Variants in TAOK1 observed in about 807,000 individuals in gnomAD.
TAOK1 encodes the protein serine/threonine-protein kinase TAO1.
A neutral mutation model predicts 138.3 loss-of-function variants in TAOK1; 21 were observed. The observed-to-expected ratio is 0.15, with a 90% CI of 0.11 to 0.22. The LOEUF is 0.22. Ranked by LOEUF, TAOK1 falls within the 10% of genes least tolerant of loss-of-function variation. The pLI is 1.00. For missense variants in TAOK1, 651 were observed against 1,227.7 expected, an observed-to-expected ratio of 0.53 and a Z score of 7.02; for synonymous variants, 361 against 398.4, an observed-to-expected ratio of 0.91 and a Z score of 1.12.
chr17:29,428,725 G>A (rs925195530), intron 1 of TAOK1, among the ~76,000 whole-genome samples: 1 of 152,002 alleles, frequency 6.6e-6, no homozygotes, highest in Non-Finnish European at 1.5e-5. Flanking sequence ...CTGAGCTTGG[G>A]GGATCCTCCC....
At position 29,495,714 on chromosome 17, in the gene TAOK1, A is replaced by G; in HGVS notation, c.986A>G (p.Gln329Arg). 6.2e-7 allele frequency: 1 copy of G among 1,602,978 alleles called. No individual in the cohort carries two copies. The highest frequency in any genetic ancestry group is 1.7e-5 in the Admixed American group (1 of 58,250). Residue 329 changes from glutamine (Q) to arginine (R), a missense_variant, in exon 11 of 20, where the codon CAG becomes CGG. Gln to Arg is a conservative substitution (Grantham distance 43, BLOSUM62 1). Transcript: ENST00000261716. Reference sequence around the variant, plus strand: ...CATAATGGACCAGCAGTAGAAGCACAGGAAGAAGAAGAGGTAAGAGATAAA... The same window carrying G: ...CATAATGGACCAGCAGTAGAAGCACGGGAAGAAGAAGAGGTAAGAGATAAA... The part of the protein sequence containing the change: ...EAHNGPAVEA[Q>R]EEEEEQDHGV...
intron 1 of TAOK1, among the ~76,000 whole-genome samples, chr17:29,427,065 A>T (rs1453254379): frequency 1.3e-5 from 2 of 152,174 alleles, no homozygotes; most frequent in African/African-American, 2.4e-5. Context: ...AATGAAATAG[A>T]TTCGGAAGGG....
chr17:29,421,467 G>C (rs1905443547), intron 1 of TAOK1, among the ~76,000 whole-genome samples: 1 of 152,144 alleles, frequency 6.6e-6, no homozygotes, highest in African/African-American at 2.4e-5. Flanking sequence ...TTATATGCTG[G>C]AAGAGTTTAT....
At chr17:29,453,807 TTG>T (rs1289596618) in intron 2 of TAOK1, among the ~76,000 whole-genome samples, 2 of 147,900 alleles carry the variant, frequency 1.4e-5, no homozygotes. Flanking sequence ...TTAGGTTTTT[TTG>T]TTTTTTTTTT....
rs1833705402 is a variant in TAOK1, at chr17:29,545,733, G to A, written c.*2711G>A. The A allele has an allele frequency of 6.6e-6, 1 of 152,076 alleles. No individual in the cohort carries two copies. The highest frequency in any genetic ancestry group is 1.5e-5 in the Non-Finnish European group (1 of 67,962). The allele number at this position is 152,076 out of a possible 1,614,324, so 9.4% of individuals were successfully genotyped here. A position where few individuals can be genotyped will look rare whatever the true frequency, so the allele number is the denominator to read the frequency against. The stretch of plus-strand genomic sequence containing the variant: ...AGCTTGTAGCAGAAAAATTGGAAGG[G>A]TTTTGAGATATCCTAGAGAAAGAGC... On this transcript the variant is annotated 3_prime_UTR_variant, in exon 20 of 20. Coordinates refer to ENST00000261716, the MANE Select transcript of TAOK1 (RefSeq NM_020791.4).
In TAOK1 at chr17:29,549,274, A is replaced by G. The variant is rs2032451070; in HGVS notation, c.*6252A>G. 6.6e-6 allele frequency: 1 copy of G among 152,224 alleles called. No homozygotes were observed. The highest frequency in any genetic ancestry group is 1.5e-5 in the Non-Finnish European group (1 of 68,024). 9.4% of individuals were successfully genotyped at this position (152,224 alleles called of 1,614,324 possible). ...CTTGTAGCCAAAGTATTAAAGGCTG[A>G]TGAACATAGACAAGGGAAATGCATT... On this transcript the variant is annotated 3_prime_UTR_variant, in exon 20 of 20. Coordinates refer to ENST00000261716, the MANE Select transcript of TAOK1 (RefSeq NM_020791.4).
intron 3 of TAOK1, among the ~76,000 whole-genome samples, chr17:29,472,148 A>G (rs1443988041): frequency 6.6e-6 from 1 of 152,182 alleles, no homozygotes; most frequent in Non-Finnish European, 1.5e-5. Flanking sequence ...CATGAGTCGG[A>G]AACGTTCTTA....
intron 16 of TAOK1, among the ~76,000 whole-genome samples, chr17:29,521,030 A>C (rs1465417339): frequency 6.6e-6 from 1 of 152,130 alleles, no homozygotes; most frequent in Non-Finnish European, 1.5e-5. Flanking sequence ...AGTCTCAAAA[A>C]AAAAAAAATC....
intron 16 of TAOK1, among the ~76,000 whole-genome samples, chr17:29,518,627 G>A (rs2153030500): frequency 6.6e-6 from 1 of 152,274 alleles, no homozygotes; most frequent in Non-Finnish European, 1.5e-5. Flanking sequence ...GAAGTTTTAT[G>A]AAATCACGGA....
At chr17:29,528,571 G>A (rs2032050360) in intron 17 of TAOK1, among the ~76,000 whole-genome samples, 1 of 152,106 alleles carries the variant, frequency 6.6e-6, no homozygotes, top group Admixed American at 6.6e-5. Context: ...AAGGCACAGT[G>A]GCTTATGCCT....
intron 1 of TAOK1, among the ~76,000 whole-genome samples, chr17:29,415,009 G>C (rs1461084205): frequency 6.6e-6 from 1 of 151,166 alleles, no homozygotes; most frequent in African/African-American, 2.4e-5. Flanking sequence ...TGTTGCCCAG[G>C]TTGGAGTGCA....
chr17:29,409,752 G>T (rs776255403), intron 1 of TAOK1, among the ~76,000 whole-genome samples: 2 of 152,066 alleles, frequency 1.3e-5, no homozygotes, highest in African/African-American at 4.8e-5. Context: ...TTATGAAGTC[G>T]TGGGATTTCT....
At chr17:29,537,838 G>A (rs1166157673) in intron 19 of TAOK1, among the ~76,000 whole-genome samples, 1 of 152,148 alleles carries the variant, frequency 6.6e-6, no homozygotes. Flanking sequence ...ATACGGCTGG[G>A]TGTGGCGGCT....
At chr17:29,497,986 C>A (rs2031446263) in intron 11 of TAOK1, among the ~76,000 whole-genome samples, 1 of 151,724 alleles carries the variant, frequency 6.6e-6, no homozygotes, top group Non-Finnish European at 1.5e-5. Context: ...CTATATATAC[C>A]CCATGAGATG....
At chr17:29,488,132 A>G (rs868323614) in intron 8 of TAOK1, among the ~76,000 whole-genome samples, 1 of 152,188 alleles carries the variant, frequency 6.6e-6, no homozygotes, top group African/African-American at 2.4e-5. Flanking sequence ...TCAGATAACA[A>G]AATGTGCAGA....
chr17:29,424,985 T>C (rs552675504), intron 1 of TAOK1: 2 of 152,362 alleles, frequency 1.3e-5, no homozygotes, highest in South Asian at 2.1e-4. Context: ...TATTGAGATA[T>C]ACTACTTTGT....
At chr17:29,480,579 T>G in intron 7 of TAOK1, 98 bp downstream of exon 7, 1 of 1,054,388 alleles carries the variant, frequency 9.5e-7, no homozygotes, top group Non-Finnish European at 1.3e-6. Flanking sequence ...GTCAGGAATG[T>G]TAAACTCGGC....
intron 1 of TAOK1, among the ~76,000 whole-genome samples, chr17:29,421,009 A>G (rs543295433): frequency 2.0e-5 from 3 of 152,218 alleles, no homozygotes; most frequent in African/African-American, 7.2e-5. Flanking sequence ...AGCTCATTGC[A>G]ACCTCTGCCT....
At chr17:29,461,766 A>G (rs775598409) in intron 2 of TAOK1, among the ~76,000 whole-genome samples, 10 of 150,528 alleles carry the variant, frequency 6.6e-5, no homozygotes, top group Non-Finnish European at 1.3e-4. Flanking sequence ...TTTTTTTTTA[A>G]TGCTGATTTA....
Sources: gnomAD v4.1 joint callset for allele counts (sites outside exome capture counted in the v4.1 genomes callset) on GRCh38, gnomAD v4.1.1 for gene constraint, MANE v1.5 for transcripts, NCBI Gene and HGNC (gene_info 2026-07-23, HGNC 2026-07-21) for gene names.